The following HABP2 variants were observed in gnomAD, a reference collection of about 807,000 sequenced individuals.
HABP2 encodes factor VII-activating protease.
HABP2 carries 65 observed loss-of-function variants against 66.5 expected under a neutral mutation model. The observed-to-expected ratio is 0.98, with a 90% CI of 0.80 to 1.20. The LOEUF is 1.20. HABP2 is among the 50% of genes most tolerant of loss of function. The pLI is 0.00. For synonymous variants in HABP2, 263 were observed against 253.9 expected, an observed-to-expected ratio of 1.04 and a Z score of -0.34; for missense variants, 786 against 691.0, an observed-to-expected ratio of 1.14 and a Z score of -1.54.
At chr10:113,551,267 G>A (rs776783387), upstream of HABP2, among the ~76,000 whole-genome samples, 1 of 152,154 alleles carries the variant, frequency 6.6e-6, no homozygotes, top group Non-Finnish European at 1.5e-5. Context: ...GGGGACAATG[G>A]GAAACAAATA....
chr10:113,568,972 A>G (rs1384946243), intron 2 of HABP2, among the ~76,000 whole-genome samples: 3 of 152,226 alleles, frequency 2.0e-5, no homozygotes, highest in Non-Finnish European at 2.9e-5. Context: ...CCTACTGAAC[A>G]GAGACCATGG....
intron 8 of HABP2, among the ~76,000 whole-genome samples, chr10:113,581,197 G>T (rs1190123847): frequency 6.6e-6 from 1 of 152,080 alleles, no homozygotes; most frequent in Non-Finnish European, 1.5e-5. Context: ...TGATCTTATG[G>T]TTACTTCTGT....
At chr10:113,584,985 C>T (rs1452197607) in intron 11 of HABP2, among the ~76,000 whole-genome samples, 3 of 152,186 alleles carry the variant, frequency 2.0e-5, no homozygotes, top group Non-Finnish European at 4.4e-5. Context: ...TTTCCAAATA[C>T]TCAAAATATA....
Position 113,584,280 on chromosome 10 carries a change from C to T in HABP2, c.1370C>T (p.Thr457Ile). The change falls in exon 11 of 13, where the codon ACA becomes ATA. Residue 457 changes from threonine to isoleucine, a missense_variant and splice_region_variant. Transcript: ENST00000351270. ...ATCTCTGGCTGGGGTGTTACAGAAA[C>T]AGGTGAGTCGGCCATGCACTCTCCC... ...CHISGWGVTE[T>I]GKGSRQLLDA... 1 of 1,613,986 alleles carries T rather than the reference C, an allele frequency of 6.2e-7. No homozygotes were observed. Among genetic ancestry groups the T allele is most frequent in the Non-Finnish European group, 8.5e-7 (1 of 1,179,848 alleles).
intron 1 of HABP2, among the ~76,000 whole-genome samples, chr10:113,558,916 G>A (rs1190085835): frequency 4.6e-5 from 7 of 151,912 alleles, no homozygotes; most frequent in East Asian, 1.9e-4. Context: ...GTGCAATGGC[G>A]CAATCTTGGC....
intron 2 of HABP2, among the ~76,000 whole-genome samples, chr10:113,569,478 G>A (rs1473382968): frequency 1.3e-5 from 2 of 152,254 alleles, no homozygotes; most frequent in African/African-American, 2.4e-5. Context: ...TGGCGAAAGA[G>A]ACCCCGTGCT....
rs1845079250 is a variant in HABP2 at position 113,560,409 on chromosome 10, G to GGAAC, written c.70-7080_70-7079insGAAC. On this transcript the variant is annotated intron_variant, in intron 1 of 12. Coordinates refer to ENST00000351270, the MANE Select transcript of HABP2 (RefSeq NM_004132.5). ...AATGTGGAGTAATTGGAACCCTCAGGCCTCGCTGGTAGGTATGTAAAATGG... is the reference window on the plus strand; with the variant it reads ...AATGTGGAGTAATTGGAACCCTCAGGGAACCCTCGCTGGTAGGTATGTAAAATGG... Among the ~76,000 whole-genome samples, 8 of 152,310 alleles carry GGAAC rather than the reference G, an allele frequency of 5.3e-5. 1 individual carries two copies. The South Asian group carries it at 1.7e-3, about 32-fold the overall frequency.
At chr10:113,587,627 T>G (rs1461412012) in intron 12 of HABP2, among the ~76,000 whole-genome samples, 2 of 152,200 alleles carry the variant, frequency 1.3e-5, no homozygotes, top group Admixed American at 6.5e-5. Context: ...CAATGTCTTC[T>G]TCTCCTCACC....
chr10:113,570,165 G>A (rs1845279095), intron 2 of HABP2: 1 of 152,192 alleles, frequency 6.6e-6, no homozygotes, highest in Non-Finnish European at 1.5e-5. Context: ...GGTAGACCTG[G>A]GTTATGATGT....
At position 113,589,328 on chromosome 10, in the gene HABP2, C is replaced by T; in HGVS notation, c.*959C>T. 1 of 576,032 alleles carries T rather than the reference C, an allele frequency of 1.7e-6. No homozygotes were observed. The highest frequency in any genetic ancestry group is 3.1e-6 in the Non-Finnish European group (1 of 325,954). The allele number at this position is 576,032 out of a possible 1,614,324, so 35.7% of individuals were successfully genotyped here. ...AAGTAGGGTTCAAAATGCAGACTGT[C>T]ATATCCAGCGAGTCCCTGACCCTTT... On this transcript the variant is annotated 3_prime_UTR_variant, in exon 13 of 13. Coordinates refer to ENST00000351270, the MANE Select transcript of HABP2 (RefSeq NM_004132.5).
At chr10:113,566,254 G>A (rs1227200694) in intron 1 of HABP2, among the ~76,000 whole-genome samples, 1 of 152,160 alleles carries the variant, frequency 6.6e-6, no homozygotes, top group Non-Finnish European at 1.5e-5. Flanking sequence ...TAAATGTTTG[G>A]GGTTATACTT....
Position 113,588,299 on chromosome 10 carries a change from G to A in HABP2, c.1613G>A (p.Gly538Glu). 1 of 1,613,474 alleles carries A rather than the reference G, an allele frequency of 6.2e-7. No homozygotes were observed. Among genetic ancestry groups the A allele is most frequent in the Non-Finnish European group, 8.5e-7 (1 of 1,179,622 alleles). Residue 538 changes from glycine (G) to glutamate (E), a missense_variant, in exon 13 of 13, where the codon GGG becomes GAG. Physicochemically the swap from Gly to Glu is moderately conservative, Grantham distance 98. Transcript: ENST00000351270. ...GGCCTGGAGTGTGGGAAGAGGCCAG[G>A]GGTCTACACCCAAGTTACCAAATTC... The part of the protein sequence containing the change: ...SWGLECGKRP[G>E]VYTQVTKFLN...
chr10:113,552,615 CTTTAA>C (rs1435981954), upstream of HABP2, among the ~76,000 whole-genome samples: 1 of 152,182 alleles, frequency 6.6e-6, no homozygotes, highest in African/African-American at 2.4e-5. Flanking sequence ...GTTTTGCATC[CTTTAA>C]TTTATGTCTC....
At chr10:113,561,275 G>A (rs1035201327) in intron 1 of HABP2, among the ~76,000 whole-genome samples, 5 of 152,090 alleles carry the variant, frequency 3.3e-5, no homozygotes, top group African/African-American at 9.7e-5. Context: ...AAATGACATC[G>A]CTTATCTTTG....
At position 113,577,265 on chromosome 10, in the gene HABP2, A is replaced by C. The variant is rs774835594; in HGVS notation, c.447A>C (p.Gln149His). The change falls in exon 5 of 13, where the codon CAA becomes CAC. Residue 149 changes from glutamine (Q) to histidine (H), a missense_variant and splice_region_variant. Transcript: ENST00000351270. Reference sequence around the variant, plus strand: ...CTTACACAGGTCCCAGCTGCTCCCAAGGTAAGTGGTGGAGGCCCCTTCGAC... The same window carrying C: ...CTTACACAGGTCCCAGCTGCTCCCACGGTAAGTGGTGGAGGCCCCTTCGAC... ...KHPYTGPSCS[Q>H]VVPVCRPNPC... 1.9e-6 allele frequency: 3 copies of C among 1,539,482 alleles called. No homozygotes were observed. In the African/African-American group the frequency reaches 4.1e-5, roughly 21 times the overall value.
chr10:113,557,626 G>C (rs1845022650), intron 1 of HABP2, among the ~76,000 whole-genome samples: 1 of 152,208 alleles, frequency 6.6e-6, no homozygotes, highest in Non-Finnish European at 1.5e-5. Context: ...CCATGCCTGT[G>C]ACCCGCAAAC....
In HABP2 at chr10:113,578,733, G is replaced by A. The variant is rs1845463444; in HGVS notation, c.675G>A (p.Gln225=). 1.2e-6 allele frequency: 2 copies of A among 1,611,784 alleles called. No homozygotes were observed. Among genetic ancestry groups the A allele is most frequent in the South Asian group, 1.1e-5 (1 of 91,004 alleles). The change falls in exon 7 of 13, where the codon CAG becomes CAA. Residue 225 remains glutamine (Q), a synonymous_variant. Coordinates refer to ENST00000351270, the MANE Select transcript of HABP2 (RefSeq NM_004132.5). ...ACTGGAACTCCCACCTCCTCTTGCA[G>A]GAGAATTACAACATGTTTATGGAGG... ...CLYWNSHLLL[Q]ENYNMFMEDA...
Position 113,582,961 on chromosome 10 carries a change from T to A in HABP2, c.1095-255T>A, listed in dbSNP as rs1049817363. On this transcript the variant is annotated intron_variant, in intron 9 of 12. Transcript: ENST00000351270. ...TTGGTTCAAGATGGCAATGGCTGTT[T>A]CTTTGGAAGGCCTAGGGAGAATGGG... is the stretch of plus-strand genomic sequence containing the variant. 2.0e-5 allele frequency among the ~76,000 whole-genome samples: 3 copies of A among 152,242 alleles called. No individual in the cohort carries two copies. In the East Asian group the frequency reaches 5.8e-4, roughly 29 times the overall value.
At chr10:113,558,393 C>T (rs1845039245) in intron 1 of HABP2, among the ~76,000 whole-genome samples, 1 of 152,212 alleles carries the variant, frequency 6.6e-6, no homozygotes, top group South Asian at 2.1e-4. Flanking sequence ...GAAGTGATGT[C>T]ATTGAATTCT....
Sources: gnomAD v4.1 joint callset for allele counts (sites outside exome capture counted in the v4.1 genomes callset) on GRCh38, gnomAD v4.1.1 for gene constraint, MANE v1.5 for transcripts, NCBI Gene and HGNC (gene_info 2026-07-23, HGNC 2026-07-21) for gene names.